The following CCDC6 variants were observed in gnomAD, a reference collection of about 807,000 sequenced individuals.
The protein encoded by CCDC6 is coiled-coil domain containing 6, also known as coiled-coil domain-containing protein 6.
Under a neutral mutation model 56.6 loss-of-function variants are expected in CCDC6, and 20 were observed. That is an observed-to-expected ratio of 0.35 (90% CI 0.25 to 0.51). The LOEUF (loss-of-function observed/expected upper bound fraction) is 0.51. Ranked by LOEUF, CCDC6 falls within the 20% of genes least tolerant of loss-of-function variation. The probability of loss-of-function intolerance (pLI) is 0.95; values close to 1 mark genes in which losing one functional copy is unlikely to be tolerated. For synonymous variants in CCDC6, 241 were observed against 234.4 expected (o/e 1.03, Z -0.26); for missense variants, 367 against 601.1 (o/e 0.61, Z 4.07).
intron 2 of CCDC6, among the ~76,000 whole-genome samples, chr10:59,838,853 C>G (rs1056495028): frequency 1.3e-5 from 2 of 152,162 alleles, no homozygotes; most frequent in Non-Finnish European, 2.9e-5. Context: ...CCTCAATTTA[C>G]CAAGACTAGG....
chr10:59,882,082 G>C (rs1202568140), intron 1 of CCDC6, among the ~76,000 whole-genome samples: 1 of 124,574 alleles, frequency 8.0e-6, no homozygotes, highest in Admixed American at 8.1e-5. Context: ...CGGGGAGAAG[G>C]AAAGGAAAGC....
chr10:59,896,121 G>T (rs1404447701), intron 1 of CCDC6, among the ~76,000 whole-genome samples: 1 of 152,166 alleles, frequency 6.6e-6, no homozygotes, highest in African/African-American at 2.4e-5. Context: ...TCCCTTGACT[G>T]ATTTTAACCT....
chr10:59,896,886 C>T lies in CCDC6; in HGVS notation c.303+9236G>A, dbSNP rs184751422. 4.7e-3 allele frequency among the ~76,000 whole-genome samples: 721 copies of T among 152,258 alleles called. 3 individuals are homozygous for T. The highest frequency in any genetic ancestry group is 0.01 in the Middle Eastern group (3 of 294). Reference sequence around the variant, plus strand: ...TGCAAAAAAAGTCACTGGTACTCTTCTCTGGGTACCTAAGGTATTTCACAA... The same window carrying T: ...TGCAAAAAAAGTCACTGGTACTCTTTTCTGGGTACCTAAGGTATTTCACAA... On this transcript the variant is annotated intron_variant, in intron 1 of 8. Coordinates refer to ENST00000263102, the MANE Select transcript of CCDC6 (RefSeq NM_005436.5).
chr10:59,822,254 TG>T (rs2070754632), intron 3 of CCDC6, among the ~76,000 whole-genome samples: 1 of 152,216 alleles, frequency 6.6e-6, no homozygotes, highest in African/African-American at 2.4e-5. Context: ...AACATGAAAA[TG>T]ACACTATTTC....
intron 2 of CCDC6, among the ~76,000 whole-genome samples, chr10:59,838,448 G>C (rs2070905484): frequency 6.6e-6 from 1 of 152,074 alleles, no homozygotes; most frequent in Non-Finnish European, 1.5e-5. Context: ...AAACTCACTG[G>C]CATAACATTC....
At chr10:59,885,623 C>CT (rs1158284839) in intron 1 of CCDC6, among the ~76,000 whole-genome samples, 1 of 152,184 alleles carries the variant, frequency 6.6e-6, no homozygotes, top group African/African-American at 2.4e-5. Context: ...GACCACAACT[C>CT]GTCTTTCAGT....
chr10:59,895,928 G>A (rs2132685567), intron 1 of CCDC6, among the ~76,000 whole-genome samples: 1 of 152,298 alleles, frequency 6.6e-6, no homozygotes, highest in East Asian at 1.9e-4. Context: ...CCATGTCTAT[G>A]TGATGAGCCC....
intron 1 of CCDC6, among the ~76,000 whole-genome samples, chr10:59,853,213 T>C (rs371755556): frequency 1.4e-4 from 22 of 152,132 alleles, no homozygotes; most frequent in African/African-American, 4.8e-4. Context: ...CTTAAAAGGT[T>C]TGGATAGGTT....
Position 59,906,294 on chromosome 10 carries a change from C to A in CCDC6, c.131G>T (p.Gly44Val), listed in dbSNP as rs574734621. 1.9e-6 allele frequency: 3 copies of A among 1,605,196 alleles called. No homozygotes were observed. Among genetic ancestry groups the A allele is most frequent in the South Asian group, 2.2e-5 (2 of 90,986 alleles). ...CGAGATGACAATGCCCCCCGACTTC[C>A]CACCGCCGCCGCCTCCCCCGCCGCC... is the stretch of plus-strand genomic sequence containing the variant. ...GGGGGGGGGG[G>V]KSGGIVISPF... The change falls in exon 1 of 9, where the codon GGG becomes GTG. Residue 44 changes from glycine to valine, a missense_variant. Physicochemically the swap from Gly to Val is moderately radical, Grantham distance 109. Transcript: ENST00000263102.
chr10:59,853,072 A>T (rs546206910), intron 1 of CCDC6, among the ~76,000 whole-genome samples: 2 of 152,192 alleles, frequency 1.3e-5, no homozygotes, highest in African/African-American at 4.8e-5. Context: ...GCTATGGTAC[A>T]TCAATTCATG....
chr10:59,839,568 C>A (rs1277880279), intron 2 of CCDC6, among the ~76,000 whole-genome samples: 1 of 152,202 alleles, frequency 6.6e-6, no homozygotes, highest in Non-Finnish European at 1.5e-5. Context: ...CCCTCTCCAA[C>A]TCCTAGACAT....
intron 1 of CCDC6, among the ~76,000 whole-genome samples, chr10:59,883,033 A>T (rs1367814430): frequency 6.6e-6 from 1 of 151,916 alleles, no homozygotes; most frequent in Non-Finnish European, 1.5e-5. Context: ...AACTGAAAAA[A>T]AAAGGTTTAA....
At chr10:59,877,245 T>C (rs2071292105) in intron 1 of CCDC6, among the ~76,000 whole-genome samples, 1 of 152,184 alleles carries the variant, frequency 6.6e-6, no homozygotes, top group African/African-American at 2.4e-5. Context: ...TACTAAGAGC[T>C]TTCCTCAGAT....
chr10:59,837,901 A>G (rs2070898752), intron 2 of CCDC6, among the ~76,000 whole-genome samples: 1 of 152,148 alleles, frequency 6.6e-6, no homozygotes, highest in Non-Finnish European at 1.5e-5. Context: ...CCTGCATTGG[A>G]CCAAGTAAAG....
intron 1 of CCDC6, among the ~76,000 whole-genome samples, chr10:59,898,160 CATT>C (rs2071477852): frequency 6.6e-6 from 1 of 152,142 alleles, no homozygotes; most frequent in African/African-American, 2.4e-5. Flanking sequence ...GTCCATCCAC[CATT>C]ATTCCATGAA....
At chr10:59,833,630 C>T (rs1024612315) in intron 2 of CCDC6, among the ~76,000 whole-genome samples, 4 of 100,814 alleles carry the variant, frequency 4.0e-5, no homozygotes, top group Admixed American at 2.7e-4. Context: ...ATTTTTATAA[C>T]ACTCTCAACT....
At chr10:59,895,127 C>A (rs1467433610) in intron 1 of CCDC6, among the ~76,000 whole-genome samples, 1 of 152,134 alleles carries the variant, frequency 6.6e-6, no homozygotes, top group East Asian at 1.9e-4. Flanking sequence ...CATAGTAAGA[C>A]CCTCTATAAA....
At chr10:59,808,082 C>G (rs552163430) in intron 5 of CCDC6, among the ~76,000 whole-genome samples, 9 of 152,266 alleles carry the variant, frequency 5.9e-5, no homozygotes, top group Admixed American at 3.3e-4. Flanking sequence ...ATATAGCTGG[C>G]ACCTCTAGGG....
chr10:59,822,312 T>G (rs2070755179), intron 3 of CCDC6, among the ~76,000 whole-genome samples: 1 of 152,226 alleles, frequency 6.6e-6, no homozygotes, highest in Admixed American at 6.5e-5. Context: ...GAAATAACTT[T>G]TGAAATAGAC....
Sources: allele counts gnomAD v4.1 joint callset (sites outside exome capture counted in the v4.1 genomes callset), GRCh38; gene constraint gnomAD v4.1.1; transcripts MANE v1.5; gene names NCBI Gene and HGNC (gene_info 2026-07-23, HGNC 2026-07-21).